ARMC3: variants seen among roughly 807,000 people sequenced by gnomAD.
ARMC3 encodes armadillo repeat-containing protein 3.
In ARMC3, 74 loss-of-function variants were observed where a neutral mutation model predicts 90.3. That is an observed-to-expected ratio of 0.82 (90% CI 0.68 to 0.99). The LOEUF is 0.99. Ranked by LOEUF, ARMC3 falls within the 50% of genes least tolerant of loss-of-function variation. ARMC3 has a pLI of 0.00. For missense variants in ARMC3, 958 were observed against 1,042.8 expected, an observed-to-expected ratio of 0.92 and a Z score of 1.12; for synonymous variants, 334 against 361.8, an observed-to-expected ratio of 0.92 and a Z score of 0.87.
At chr10:23,013,376 C>T (rs563436435) in intron 16 of ARMC3, among the ~76,000 whole-genome samples, 6 of 152,246 alleles carry the variant, frequency 3.9e-5, no homozygotes, top group Admixed American at 3.9e-4. Context: ...TTTTGTGAAG[C>T]CTTCTCTGAT....
chr10:22,998,115 T>C (rs1837082157), intron 10 of ARMC3, 33 bp from the exon 11 acceptor site: 1 of 1,603,508 alleles, frequency 6.2e-7, no homozygotes, highest in Non-Finnish European at 8.5e-7. Flanking sequence ...TGAATTCAGA[T>C]GAATCACATT....
At chr10:22,990,034 A>G (rs994958848) in intron 10 of ARMC3, among the ~76,000 whole-genome samples, 2 of 152,228 alleles carry the variant, frequency 1.3e-5, no homozygotes, top group African/African-American at 4.8e-5. Flanking sequence ...AAAATTATCC[A>G]TGCTACTTTT....
chr10:23,018,914 C>T (rs1203332620), intron 16 of ARMC3, among the ~76,000 whole-genome samples: 1 of 152,130 alleles, frequency 6.6e-6, no homozygotes, highest in Non-Finnish European at 1.5e-5. Flanking sequence ...GCTGTGACTC[C>T]CCTGACCCCT....
chr10:22,955,782 GGT>G (rs1179557934), intron 3 of ARMC3, 23 bp from the exon 4 acceptor site: 1 of 1,612,110 alleles, frequency 6.2e-7, no homozygotes, highest in East Asian at 2.2e-5. Flanking sequence ...ATCCATGTGT[GGT>G]TTTGTTTTAC....
At chr10:22,979,891 C>T (rs1052042028) in intron 8 of ARMC3, among the ~76,000 whole-genome samples, 2 of 152,128 alleles carry the variant, frequency 1.3e-5, no homozygotes, top group Non-Finnish European at 2.9e-5. Flanking sequence ...TGAGCAGGAG[C>T]GTTAATAACT....
At chr10:22,960,886 G>A (rs1835161952) in intron 6 of ARMC3, 1 of 152,300 alleles carries the variant, frequency 6.6e-6, no homozygotes, top group East Asian at 1.9e-4. Flanking sequence ...GCATCCCTTG[G>A]CTTGTGGCTG....
intron 16 of ARMC3, among the ~76,000 whole-genome samples, chr10:23,028,783 A>G (rs1347934149): frequency 1.3e-5 from 2 of 152,272 alleles, no homozygotes; most frequent in East Asian, 1.9e-4. Context: ...TCAGTTTTCA[A>G]AGTCTATGTA....
At chr10:23,033,701 T>C (rs1436282507) in intron 18 of ARMC3, among the ~76,000 whole-genome samples, 2 of 152,178 alleles carry the variant, frequency 1.3e-5, no homozygotes. Context: ...TGAACCACTG[T>C]TCAGGCAACA....
chr10:23,008,412 C>T (rs1019558848), intron 15 of ARMC3, 38 bp downstream of exon 15: 3 of 1,052,944 alleles, frequency 2.8e-6, no homozygotes, highest in Admixed American at 5.4e-5. Flanking sequence ...CAAACAGCTT[C>T]CCCTTTAATT....
intron 7 of ARMC3, among the ~76,000 whole-genome samples, chr10:22,962,886 C>G (rs970264936): frequency 6.6e-6 from 1 of 152,156 alleles, no homozygotes; most frequent in African/African-American, 2.4e-5. Context: ...ATGTTCCCAG[C>G]CATGTGGACC....
At chr10:22,966,552 T>C (rs1276191094) in intron 7 of ARMC3, among the ~76,000 whole-genome samples, 1 of 152,136 alleles carries the variant, frequency 6.6e-6, no homozygotes, top group African/African-American at 2.4e-5. Flanking sequence ...TCTAGAGAAA[T>C]AGAACCAACA....
At chr10:22,970,350 A>G (rs2131298207) in intron 8 of ARMC3, among the ~76,000 whole-genome samples, 2 of 152,308 alleles carry the variant, frequency 1.3e-5, no homozygotes, top group East Asian at 3.9e-4. Context: ...AGTTTTCAGA[A>G]TGGCCAATGA....
intron 7 of ARMC3, among the ~76,000 whole-genome samples, chr10:22,963,923 A>AC (rs1491320345): frequency 1.7e-3 from 78 of 47,110 alleles, no homozygotes; most frequent in African/African-American, 6.8e-3. Context: ...ACACACACAC[A>AC]AAAAAAAAAA....
intron 3 of ARMC3, among the ~76,000 whole-genome samples, chr10:22,949,111 A>G (rs1426386929): frequency 6.6e-6 from 1 of 152,234 alleles, no homozygotes. Flanking sequence ...GCACTGTTCT[A>G]GTACCACCTA....
At chr10:23,025,943 A>C (rs1316497581) in intron 16 of ARMC3, among the ~76,000 whole-genome samples, 1 of 152,162 alleles carries the variant, frequency 6.6e-6, no homozygotes, top group Admixed American at 6.5e-5. Flanking sequence ...AAAGGATAAT[A>C]GAGAAATGCT....
At position 22,961,943 on chromosome 10, in the gene ARMC3, C is replaced by G; in HGVS notation, c.597C>G (p.Leu199=). The G allele has an allele frequency of 6.2e-7, 1 of 1,612,264 alleles. No homozygotes were observed. The highest frequency in any genetic ancestry group is 8.5e-7 in the Non-Finnish European group (1 of 1,179,372). Residue 199 remains leucine (L), a synonymous_variant, in exon 7 of 19, where the codon CTC becomes CTG. Transcript: ENST00000298032. The part of the protein sequence containing the change: ...ELNAIPPILD[L]LKSEYPVIQL... ...ATGCAATACCTCCTATCTTAGATCT[C>G]TTGAAGTCAGAATATCCAGTGATTC... is the stretch of plus-strand genomic sequence containing the variant.
intron 3 of ARMC3, among the ~76,000 whole-genome samples, chr10:22,954,378 G>C (rs1834846467): frequency 6.6e-6 from 1 of 151,806 alleles, no homozygotes. Flanking sequence ...GAAAAATGAG[G>C]CCAGGCACAG....
chr10:22,984,422 G>A (rs903590070), intron 10 of ARMC3, among the ~76,000 whole-genome samples: 3 of 152,086 alleles, frequency 2.0e-5, no homozygotes, highest in Non-Finnish European at 4.4e-5. Context: ...AAGGAGAAAT[G>A]TACTTGTGGT....
At chr10:22,955,672 T>G in intron 3 of ARMC3, 135 bp from the exon 4 acceptor site, 3 of 1,071,100 alleles carry the variant, frequency 2.8e-6, no homozygotes, top group Admixed American at 5.2e-5. Flanking sequence ...TGAAGTTTAT[T>G]CTGAGGGAAA....
Sources: allele counts gnomAD v4.1 joint callset (sites outside exome capture counted in the v4.1 genomes callset), GRCh38; gene constraint gnomAD v4.1.1; transcripts MANE v1.5; gene names NCBI Gene and HGNC (gene_info 2026-07-23, HGNC 2026-07-21).